The following DUS3L variants were observed in gnomAD, a reference collection of about 807,000 sequenced individuals.
DUS3L encodes dihydrouridine synthase 3 like.
In DUS3L, 62 loss-of-function variants were observed where a neutral mutation model predicts 74.6. The observed-to-expected ratio is 0.83, with a 90% CI of 0.68 to 1.03. The LOEUF (loss-of-function observed/expected upper bound fraction) is 1.03. Among genes scored for constraint, DUS3L ranks in the 50% least tolerant of loss-of-function variants. The pLI is 0.00. For missense variants in DUS3L, 884 were observed against 924.4 expected (o/e 0.96, Z 0.57); for synonymous variants, 433 against 395.7 (o/e 1.09, Z -1.12).
At chr19:5,790,892 T>A in intron 1 of DUS3L, 152 bp downstream of exon 1, 1 of 739,252 alleles carries the variant, frequency 1.4e-6, no homozygotes, top group South Asian at 1.8e-5. Context: ...GTACCTCCGC[T>A]GACCACCCTG....
intron 3 of DUS3L, among the ~76,000 whole-genome samples, chr19:5,788,866 C>T (rs2056880984): frequency 6.6e-6 from 1 of 152,120 alleles, no homozygotes; most frequent in Non-Finnish European, 1.5e-5. Flanking sequence ...GCCACCAGGC[C>T]CGGCTAATTT....
At chr19:5,787,991 C>G in intron 5 of DUS3L, 33 bp downstream of exon 5, 1 of 1,608,074 alleles carries the variant, frequency 6.2e-7, no homozygotes. Flanking sequence ...CCGAGGGCCC[C>G]TCCACTCTCC....
In DUS3L at chr19:5,790,424, T is replaced by C. The variant is rs1017611204; in HGVS notation, c.99-89A>G. ...CTAGAAACACTTGCACGTCCTTAAA[T>C]CCTTCTGCTGATGGGGAGCTCACTA... On this transcript the variant is annotated intron_variant, in intron 1 of 12. Coordinates refer to ENST00000309061, the MANE Select transcript of DUS3L (RefSeq NM_020175.3). The C allele has an allele frequency of 1.9e-5, 29 of 1,509,962 alleles. No individual in the cohort carries two copies. In the Admixed American group the frequency reaches 5.0e-4, roughly 26 times the overall value. The allele number at this position is 1,509,962 out of a possible 1,614,324, so 93.5% of individuals were successfully genotyped here. A position where few individuals can be genotyped will look rare whatever the true frequency, so the allele number is the denominator to read the frequency against.
chr19:5,787,365 G>GA lies in DUS3L; in HGVS notation c.1213-5dup, dbSNP rs1440571171. The GA allele has an allele frequency of 6.2e-7, 1 of 1,613,308 alleles. No individual in the cohort carries two copies. Among genetic ancestry groups the GA allele is most frequent in the African/African-American group, 1.3e-5 (1 of 74,808 alleles). On this transcript the variant is annotated splice_polypyrimidine_tract_variant and splice_region_variant and intron_variant, in intron 6 of 12. Coordinates refer to ENST00000309061, the MANE Select transcript of DUS3L (RefSeq NM_020175.3). ...TCATGAGGGCACAGCCCCCACCCTGGAAGAGACAGGCGGGTGGAGGGAGGG... is the reference window on the plus strand; with the variant it reads ...TCATGAGGGCACAGCCCCCACCCTGGAAAGAGACAGGCGGGTGGAGGGAGGG...
In DUS3L at chr19:5,787,599, A is replaced by C; in HGVS notation, c.1202T>G (p.Val401Gly). ...GTCCAGGGCCGCTACCTTCTTGTAC[A>C]CGAGGTCGATGGGGCAGCCGACGTT... ...DINVGCPIDL[V>G]YKKGGGCALM... The change falls in exon 6 of 13, where the codon GTG (valine) becomes GGG (glycine). Residue 401 changes from valine to glycine, a missense_variant. Physicochemically the swap from Val to Gly is moderately radical, Grantham distance 109 (BLOSUM62 -3). Transcript: ENST00000309061. The C allele has an allele frequency of 6.2e-7, 1 of 1,613,330 alleles. No individual in the cohort carries two copies. Among genetic ancestry groups the C allele is most frequent in the Non-Finnish European group, 8.5e-7 (1 of 1,179,912 alleles).
At chr19:5,785,916 C>T (rs2056837335) in intron 10 of DUS3L, 125 bp from the exon 11 acceptor site, 1 of 1,030,676 alleles carries the variant, frequency 9.7e-7, no homozygotes, top group African/African-American at 1.6e-5. Context: ...AGTAAGCCTC[C>T]CAGCTGCATG....
rs1475861903 is a variant in DUS3L at position 5,785,466 on chromosome 19, G to A, written c.1797C>T (p.Asn599=). The A allele has an allele frequency of 1.5e-5, 24 of 1,584,178 alleles. No individual in the cohort carries two copies. Among genetic ancestry groups the A allele is most frequent in the East Asian group, 1.1e-4 (5 of 44,302 alleles). Residue 599 remains asparagine, a synonymous_variant, in exon 12 of 13, where the codon AAC becomes AAT. Transcript: ENST00000309061. ...GGCCCAGGTAGTAGGGCGGCCGCTC[G>A]TTGATCCTCTGTGGGAGCCGCTCCA... ...GLLERLPQRI[N]ERPPYYLGRD...
intron 3 of DUS3L, 46 bp downstream of exon 3, chr19:5,789,161 A>G (rs980861273): frequency 2.7e-6 from 4 of 1,499,706 alleles, no homozygotes; most frequent in Admixed American, 4.7e-5. Flanking sequence ...TAATAGACGC[A>G]CACCAGATGG....
In DUS3L at chr19:5,790,124, G is replaced by A. The variant is rs964314229; in HGVS notation, c.310C>T (p.Arg104Trp). 2.5e-6 allele frequency: 4 copies of A among 1,614,108 alleles called. No individual in the cohort carries two copies. Among genetic ancestry groups the A allele is most frequent in the South Asian group, 1.1e-5 (1 of 91,084 alleles). Residue 104 changes from arginine (R) to tryptophan (W), a missense_variant, in exon 2 of 13, where the codon CGG becomes TGG. Coordinates refer to ENST00000309061, the MANE Select transcript of DUS3L (RefSeq NM_020175.3). ...GEQLQTQKRA[R>W]GQNKGRPHVK... is the part of the protein sequence containing the mutation. ...TGGGGCCGGCCCTTGTTTTGTCCCC[G>A]GGCCCTCTTCTGAGTCTGTAGCTGC...
At chr19:5,786,980 G>T in intron 8 of DUS3L, 81 bp downstream of exon 8, 1 of 1,486,746 alleles carries the variant, frequency 6.7e-7, no homozygotes, top group South Asian at 1.3e-5. Context: ...TGAAGAGGGA[G>T]GGATGGGAGG....
intron 10 of DUS3L, 38 bp from the exon 11 acceptor site, chr19:5,785,829 G>C: frequency 4.6e-6 from 7 of 1,528,044 alleles, no homozygotes; most frequent in Non-Finnish European, 6.2e-6. Context: ...CCAGCCACCA[G>C]CCTGCCTGGG....
At chr19:5,789,973 A>G in intron 2 of DUS3L, 74 bp downstream of exon 2, 1 of 1,581,570 alleles carries the variant, frequency 6.3e-7, no homozygotes, top group South Asian at 1.1e-5. Flanking sequence ...GAGCTTTCTA[A>G]CAATTACCCG....
intron 1 of DUS3L, 64 bp downstream of exon 1, chr19:5,790,980 G>A (rs2056904735): frequency 8.1e-6 from 12 of 1,489,474 alleles, no homozygotes; most frequent in South Asian, 3.6e-5. Flanking sequence ...GGCATGCACA[G>A]CTCGGACCGC....
chr19:5,787,102 G>A lies in DUS3L; in HGVS notation c.1348C>T (p.Leu450=), dbSNP rs1186922847. The A allele has an allele frequency of 2.6e-6, 4 of 1,556,440 alleles. No individual in the cohort carries two copies. Among genetic ancestry groups the A allele is most frequent in the South Asian group, 2.3e-5 (2 of 85,342 alleles). The change falls in exon 8 of 13, where the codon CTG becomes TTG. Residue 450 remains leucine, a synonymous_variant. Coordinates refer to ENST00000309061, the MANE Select transcript of DUS3L (RefSeq NM_020175.3). The part of the protein sequence containing the change: ...VQERVNLAHR[L]LPELRDWGVA... Reference sequence around the variant, plus strand: ...CCCCAGTCCCGCAGCTCGGGCAGCAGGCGGTGCGCCAGGTTCACACGCTCC... The same window carrying A: ...CCCCAGTCCCGCAGCTCGGGCAGCAAGCGGTGCGCCAGGTTCACACGCTCC...
chr19:5,790,692 C>G (rs2056901217), intron 1 of DUS3L: 1 of 541,276 alleles, frequency 1.8e-6, no homozygotes, highest in African/African-American at 1.9e-5. Flanking sequence ...CCCCAGCACG[C>G]CCCGCGGCAC....
In DUS3L at chr19:5,789,286, G is replaced by A. The variant is rs767226190; in HGVS notation, c.821C>T (p.Pro274Leu). Residue 274 changes from proline (P) to leucine (L), a missense_variant, in exon 3 of 13, where the codon CCT becomes CTT. Transcript: ENST00000309061. ...GCAGGTCCGCACGGGGCTGCTGGGA[G>A]GGGTGCTAGTGCCCGGCCCTGCGGG... ...QVPAGPGTST[P>L]PSSPVRTCGP... is the part of the protein sequence containing the mutation. The A allele has an allele frequency of 7.5e-6, 12 of 1,597,040 alleles. No homozygotes were observed. The highest frequency in any genetic ancestry group is 1.0e-5 in the Non-Finnish European group (12 of 1,172,602).
Position 5,790,280 on chromosome 19 carries a change from TCTC to T in DUS3L, c.151_153del (p.Glu51del). ...CCTACCTCGGTTTCCCGGCAAGTCT[TCTC>T]CTGCCCTTTGGCTTCCAGGAATTGG... On this transcript the variant is annotated inframe_deletion, in exon 2 of 13. Coordinates refer to ENST00000309061, the MANE Select transcript of DUS3L (RefSeq NM_020175.3). 1 of 1,614,166 alleles carries T rather than the reference TCTC, an allele frequency of 6.2e-7. No individual in the cohort carries two copies. Among genetic ancestry groups the T allele is most frequent in the East Asian group, 2.2e-5 (1 of 44,878 alleles).
chr19:5,786,394 G>A (rs1192976498), intron 10 of DUS3L, 73 bp downstream of exon 10: 1 of 1,454,600 alleles, frequency 6.9e-7, no homozygotes, highest in Non-Finnish European at 9.5e-7. Context: ...AACAGGGGTG[G>A]GTGACGGCGT....
At position 5,787,117 on chromosome 19, in the gene DUS3L, TCA is replaced by T. The variant is rs1314536224; in HGVS notation, c.1331_1332del (p.Val444GlufsTer60). 4.1e-6 allele frequency: 4 copies of T among 975,192 alleles called. No individual in the cohort carries two copies. The highest frequency in any genetic ancestry group is 4.8e-6 in the Non-Finnish European group (4 of 834,162). 60.4% of individuals were successfully genotyped at this position (975,192 alleles called of 1,614,324 possible). A position where few individuals can be genotyped will look rare whatever the true frequency, so the allele number is the denominator to read the frequency against. On this transcript the variant is annotated frameshift_variant, in exon 8 of 13. Coordinates refer to ENST00000309061, the MANE Select transcript of DUS3L (RefSeq NM_020175.3). LOFTEE classifies it high-confidence loss of function. ...VKIRTGVQER[V>X]NLAHRLLPEL... ...TCGGGCAGCAGGCGGTGCGCCAGGT[TCA>T]CACGCTCCTGGACGCCTGTGCGGAT...
Sources: gnomAD v4.1 joint callset for allele counts (sites outside exome capture counted in the v4.1 genomes callset) on GRCh38, gnomAD v4.1.1 for gene constraint, MANE v1.5 for transcripts, NCBI Gene and HGNC (gene_info 2026-07-23, HGNC 2026-07-21) for gene names.